Variants in ABCC4 observed in about 807,000 individuals in gnomAD.
The protein encoded by ABCC4 is ATP-binding cassette sub-family C member 4.
ABCC4 carries 102 observed loss-of-function variants against 168.5 expected under a neutral mutation model. The observed-to-expected ratio is 0.61, with a 90% confidence interval of 0.52 to 0.71. The LOEUF is 0.71. Among genes scored for constraint, ABCC4 ranks in the 30% least tolerant of loss-of-function variants. The probability of loss-of-function intolerance (pLI) is 0.00; values close to 1 mark genes in which losing one functional copy is unlikely to be tolerated. For missense variants in ABCC4, 1,402 were observed against 1,605.8 expected, an observed-to-expected ratio of 0.87 and a Z score of 2.17; for synonymous variants, 617 against 590.7, an observed-to-expected ratio of 1.04 and a Z score of -0.65.
At chr13:95,198,164 T>C (rs1156985572) in intron 8 of ABCC4, among the ~76,000 whole-genome samples, 1 of 151,840 alleles carries the variant, frequency 6.6e-6, no homozygotes, top group Non-Finnish European at 1.5e-5. Context: ...CTCATCAGAG[T>C]GAACAGGCAA....
chr13:95,236,480 A>G (rs753483657), intron 3 of ABCC4, among the ~76,000 whole-genome samples: 3 of 152,166 alleles, frequency 2.0e-5, no homozygotes, highest in Non-Finnish European at 4.4e-5. Context: ...ATTAACACAC[A>G]CTTTCATCCC....
At chr13:95,085,750 G>C (rs1248598811) in intron 20 of ABCC4, among the ~76,000 whole-genome samples, 2 of 152,130 alleles carry the variant, frequency 1.3e-5, no homozygotes, top group Non-Finnish European at 2.9e-5. Context: ...CAATTGCCCT[G>C]CCCTCCCAAA....
intron 8 of ABCC4, among the ~76,000 whole-genome samples, chr13:95,197,631 A>G (rs533207727): frequency 6.6e-6 from 1 of 152,324 alleles, no homozygotes; most frequent in East Asian, 1.9e-4. Context: ...GCATCCCCAG[A>G]AAGTTCACTT....
rs374131214 is a variant in ABCC4 at position 95,056,908 on chromosome 13, G to T, written c.3367-3724C>A. ...CTGTTGATGTATGCCAACCGTTAGGGTGCTATCATAAATGTTGAATTTGCA... is the reference window on the plus strand; with the variant it reads ...CTGTTGATGTATGCCAACCGTTAGGTTGCTATCATAAATGTTGAATTTGCA... On this transcript the variant is annotated intron_variant, in intron 26 of 30. Transcript: ENST00000645237. Among the ~76,000 whole-genome samples, 4 of 152,166 alleles carry T rather than the reference G, an allele frequency of 2.6e-5. No homozygotes were observed. In the East Asian group the frequency reaches 5.8e-4, roughly 22 times the overall value.
At chr13:95,171,689 C>T (rs1285010687) in intron 13 of ABCC4, among the ~76,000 whole-genome samples, 18 of 152,168 alleles carry the variant, frequency 1.2e-4, no homozygotes, top group Non-Finnish European at 1.6e-4. Context: ...GCAGCCACTG[C>T]TTTTAGAAAT....
intron 20 of ABCC4, among the ~76,000 whole-genome samples, chr13:95,088,503 A>T (rs549928595): frequency 1.1e-3 from 169 of 152,348 alleles, no homozygotes; most frequent in African/African-American, 3.3e-3. Flanking sequence ...TCAAACTTCA[A>T]GAGACAGATA....
chr13:95,227,145 G>C (rs2039488399), intron 4 of ABCC4, among the ~76,000 whole-genome samples: 1 of 152,148 alleles, frequency 6.6e-6, no homozygotes, highest in Non-Finnish European at 1.5e-5. Flanking sequence ...ACAATTATCA[G>C]ATGATGGGAC....
chr13:95,037,134 G>A (rs2032159913), intron 29 of ABCC4, among the ~76,000 whole-genome samples: 1 of 145,078 alleles, frequency 6.9e-6, no homozygotes, highest in South Asian at 2.2e-4. Flanking sequence ...CCCAAATATA[G>A]TATCTTATAA....
chr13:95,266,879 CTTT>C (rs34395714), intron 1 of ABCC4, among the ~76,000 whole-genome samples: 2 of 116,798 alleles, frequency 1.7e-5, no homozygotes, highest in Non-Finnish European at 1.7e-5. Context: ...CAAATCTCAT[CTTT>C]TTTTTTTTTT....
At chr13:95,229,819 T>C (rs1310108396) in intron 4 of ABCC4, among the ~76,000 whole-genome samples, 2 of 152,184 alleles carry the variant, frequency 1.3e-5, no homozygotes, top group African/African-American at 4.8e-5. Flanking sequence ...CACTGGTGGC[T>C]GGGGCTGAAG....
intron 19 of ABCC4, among the ~76,000 whole-genome samples, chr13:95,122,298 T>A (rs547243533): frequency 2.0e-5 from 3 of 152,170 alleles, no homozygotes; most frequent in Non-Finnish European, 2.9e-5. Flanking sequence ...CAAAACATCT[T>A]ACGCGTATCT....
intron 19 of ABCC4, among the ~76,000 whole-genome samples, chr13:95,131,025 G>T (rs948333666): frequency 2.6e-5 from 4 of 152,118 alleles, no homozygotes; most frequent in Non-Finnish European, 4.4e-5. Context: ...GTGCAGTGGT[G>T]TTGGGCAGAA....
intron 28 of ABCC4, 120 bp from the exon 29 acceptor site, chr13:95,043,907 A>T (rs973688838): frequency 4.6e-6 from 3 of 658,258 alleles, no homozygotes; most frequent in Non-Finnish European, 7.5e-6. Context: ...TTAATGTTTT[A>T]AAAATCATGT....
chr13:95,097,915 C>T (rs1325051602), intron 20 of ABCC4, among the ~76,000 whole-genome samples: 3 of 151,938 alleles, frequency 2.0e-5, no homozygotes, highest in African/African-American at 7.2e-5. Flanking sequence ...GTGGGAGGCT[C>T]ACTTGAGGCC....
chr13:95,151,807 G>T (rs984784375), intron 19 of ABCC4, among the ~76,000 whole-genome samples: 3 of 152,168 alleles, frequency 2.0e-5, no homozygotes, highest in Admixed American at 1.3e-4. Flanking sequence ...CTTTTTACCT[G>T]TTAGAACCCT....
intron 1 of ABCC4, among the ~76,000 whole-genome samples, chr13:95,256,162 C>T (rs931840776): frequency 6.6e-6 from 1 of 152,180 alleles, no homozygotes; most frequent in South Asian, 2.1e-4. Context: ...ATAATCATAG[C>T]TCATTGAAAC....
intron 3 of ABCC4, among the ~76,000 whole-genome samples, chr13:95,242,234 A>T (rs1038665207): frequency 6.7e-6 from 1 of 150,228 alleles, no homozygotes; most frequent in Non-Finnish European, 1.5e-5. Context: ...TAACTCCATA[A>T]TTTTTTTTTT....
At chr13:95,105,232 C>T (rs2034961758) in intron 20 of ABCC4, among the ~76,000 whole-genome samples, 2 of 151,882 alleles carry the variant, frequency 1.3e-5, no homozygotes, top group African/African-American at 4.8e-5. Flanking sequence ...AATCTAATGC[C>T]GCCGACGATC....
At chr13:95,089,075 T>A (rs1325232003) in intron 20 of ABCC4, among the ~76,000 whole-genome samples, 1 of 152,070 alleles carries the variant, frequency 6.6e-6, no homozygotes, top group Non-Finnish European at 1.5e-5. Context: ...AAATTAAAAA[T>A]TTTGATGCAA....
Sources: allele counts gnomAD v4.1 joint callset (sites outside exome capture counted in the v4.1 genomes callset), GRCh38; gene constraint gnomAD v4.1.1; transcripts MANE v1.5; gene names NCBI Gene and HGNC (gene_info 2026-07-23, HGNC 2026-07-21).